The following PTPRD variants were observed in gnomAD, a reference collection of about 807,000 sequenced individuals.
PTPRD encodes the protein protein tyrosine phosphatase receptor type D, also known as receptor-type tyrosine-protein phosphatase delta.
A neutral mutation model predicts 214.5 loss-of-function variants in PTPRD; 34 were observed. The ratio of observed to expected loss-of-function variants is 0.16; its 90% CI spans 0.12 to 0.21. PTPRD has a LOEUF of 0.21. Ranked by LOEUF, PTPRD falls within the 10% of genes least tolerant of loss-of-function variation. The pLI is 1.00. For missense variants in PTPRD, 2,545 were observed against 2,398.7 expected (o/e 1.06, Z -1.27); for synonymous variants, 1,128 against 845.7 (o/e 1.33, Z -5.79).
intron 9 of PTPRD, among the ~76,000 whole-genome samples, chr9:9,295,331 G>C (rs573590582): frequency 1.3e-5 from 2 of 151,732 alleles, no homozygotes; most frequent in Non-Finnish European, 2.9e-5. Context: ...CCAAATGAGT[G>C]AATCTTTACA....
chr9:8,723,924 A>C (rs1027853930), intron 12 of PTPRD, among the ~76,000 whole-genome samples: 2 of 152,246 alleles, frequency 1.3e-5, no homozygotes, highest in Non-Finnish European at 2.9e-5. Flanking sequence ...GCCACATTTA[A>C]TAACTGTAGT....
At chr9:10,031,578 A>G (rs1410268540) in intron 4 of PTPRD, among the ~76,000 whole-genome samples, 1 of 147,700 alleles carries the variant, frequency 6.8e-6, no homozygotes, top group African/African-American at 2.6e-5. Flanking sequence ...CAGACAGCAT[A>G]TTGTGGGACC....
intron 5 of PTPRD, among the ~76,000 whole-genome samples, chr9:9,885,231 A>G (rs764124431): frequency 6.6e-6 from 1 of 152,144 alleles, no homozygotes; most frequent in African/African-American, 2.4e-5. Context: ...AATAAAAATT[A>G]GAAATTACTA....
chr9:8,894,149 T>C (rs2154243864), intron 11 of PTPRD, among the ~76,000 whole-genome samples: 1 of 150,080 alleles, frequency 6.7e-6, no homozygotes, highest in Middle Eastern at 3.4e-3. Flanking sequence ...AGGTCAGGAG[T>C]TTGAGACTAG....
intron 5 of PTPRD, among the ~76,000 whole-genome samples, chr9:9,788,515 G>C (rs1417467634): frequency 1.4e-5 from 2 of 140,034 alleles, no homozygotes; most frequent in Non-Finnish European, 3.0e-5. Flanking sequence ...TCGGGCCACG[G>C]CACTCCAGCC....
At chr9:8,877,049 C>T (rs1463844610) in intron 11 of PTPRD, among the ~76,000 whole-genome samples, 1 of 152,034 alleles carries the variant, frequency 6.6e-6, no homozygotes, top group African/African-American at 2.4e-5. Flanking sequence ...GCCTCAGCCT[C>T]CCGAGTAGCT....
intron 43 of PTPRD, among the ~76,000 whole-genome samples, chr9:8,337,020 C>A (rs1402138602): frequency 1.3e-5 from 2 of 152,124 alleles, no homozygotes; most frequent in Non-Finnish European, 2.9e-5. Flanking sequence ...TTAGTTAAAC[C>A]ACTGTGGAAG....
chr9:10,551,170 G>T (rs1307033287), intron 2 of PTPRD, among the ~76,000 whole-genome samples: 2 of 151,894 alleles, frequency 1.3e-5, no homozygotes, highest in Admixed American at 6.6e-5. Context: ...CCCCAACTCT[G>T]CAAAGAAACC....
At chr9:10,166,207 G>A (rs998330219) in intron 3 of PTPRD, among the ~76,000 whole-genome samples, 9 of 141,166 alleles carry the variant, frequency 6.4e-5, no homozygotes, top group African/African-American at 1.6e-4. Flanking sequence ...AATTTTGATT[G>A]TTAGAGATAC....
intron 8 of PTPRD, among the ~76,000 whole-genome samples, chr9:9,501,849 T>C (rs62533236): frequency 0.086 from 13,006 of 151,940 alleles, 603 homozygotes; most frequent in South Asian, 0.17. Flanking sequence ...TTAGAAAATA[T>C]AGTAAACGGA....
chr9:9,706,350 C>A (rs1282986891), intron 7 of PTPRD, among the ~76,000 whole-genome samples: 2 of 152,038 alleles, frequency 1.3e-5, no homozygotes, highest in Non-Finnish European at 2.9e-5. Context: ...CATGAAGTTT[C>A]CTTCCAATGT....
chr9:10,346,320 C>A (rs1001908078), intron 2 of PTPRD, among the ~76,000 whole-genome samples: 1 of 152,028 alleles, frequency 6.6e-6, no homozygotes, highest in African/African-American at 2.4e-5. Context: ...ACACCTGGTT[C>A]ATTTTGAGGC....
chr9:9,260,039 G>A (rs1341052766), intron 9 of PTPRD, among the ~76,000 whole-genome samples: 2 of 151,898 alleles, frequency 1.3e-5, no homozygotes, highest in Non-Finnish European at 2.9e-5. Context: ...AGATAATGGA[G>A]AGAATGCCAG....
chr9:9,043,302 A>G (rs1466948329), intron 10 of PTPRD, among the ~76,000 whole-genome samples: 1 of 152,206 alleles, frequency 6.6e-6, no homozygotes, highest in African/African-American at 2.4e-5. Flanking sequence ...CATTTTTAAT[A>G]CCTGATGCTA....
At chr9:8,774,877 A>G (rs1253169553) in intron 11 of PTPRD, among the ~76,000 whole-genome samples, 1 of 152,194 alleles carries the variant, frequency 6.6e-6, no homozygotes, top group Non-Finnish European at 1.5e-5. Flanking sequence ...AGAGGTTAGC[A>G]ATAATTCAAA....
At chr9:9,804,668 C>G (rs1179040092) in intron 5 of PTPRD, among the ~76,000 whole-genome samples, 1 of 151,926 alleles carries the variant, frequency 6.6e-6, no homozygotes, top group African/African-American at 2.4e-5. Flanking sequence ...TTATGAAACT[C>G]ATGAACATAA....
At chr9:9,513,602 T>A (rs1027866136) in intron 8 of PTPRD, among the ~76,000 whole-genome samples, 12 of 28,228 alleles carry the variant, frequency 4.3e-4, no homozygotes, top group Non-Finnish European at 6.5e-4. Flanking sequence ...AAAAAACAAA[T>A]AAAAAATCTC....
intron 14 of PTPRD, among the ~76,000 whole-genome samples, chr9:8,566,893 T>A (rs2089458550): frequency 6.6e-6 from 1 of 151,682 alleles, no homozygotes; most frequent in Non-Finnish European, 1.5e-5. Flanking sequence ...GTAGATCTGG[T>A]CATCAGTCCT....
At chr9:9,690,242 T>C (rs536959630) in intron 7 of PTPRD, among the ~76,000 whole-genome samples, 2 of 152,120 alleles carry the variant, frequency 1.3e-5, no homozygotes, top group Non-Finnish European at 2.9e-5. Flanking sequence ...TGATCAATGA[T>C]GTTGATCACC....
Sources: gnomAD v4.1 joint callset for allele counts (sites outside exome capture counted in the v4.1 genomes callset) on GRCh38, gnomAD v4.1.1 for gene constraint, MANE v1.5 for transcripts, NCBI Gene and HGNC (gene_info 2026-07-23, HGNC 2026-07-21) for gene names.